TYW1: variants seen among roughly 807,000 people sequenced by gnomAD.
TYW1 encodes tRNA-yW synthesizing protein 1 homolog.
Under a neutral mutation model 96.2 loss-of-function variants are expected in TYW1, and 46 were observed. The ratio of observed to expected loss-of-function variants is 0.48; its 90% CI spans 0.38 to 0.61. The LOEUF (loss-of-function observed/expected upper bound fraction) is 0.61. Among genes scored for constraint, TYW1 ranks in the 20% least tolerant of loss-of-function variants. TYW1 has a pLI of 0.00. For missense variants in TYW1, 684 were observed against 909.6 expected (o/e 0.75, Z 3.19); for synonymous variants, 274 against 323.0 (o/e 0.85, Z 1.63).
At chr7:67,138,633 C>T (rs1016611023) in intron 13 of TYW1, among the ~76,000 whole-genome samples, 18 of 152,054 alleles carry the variant, frequency 1.2e-4, no homozygotes, top group Admixed American at 9.8e-4. Context: ...CCCCCACTAC[C>T]CTTCCCAGCC....
intron 13 of TYW1, among the ~76,000 whole-genome samples, chr7:67,132,553 T>A (rs1336544556): frequency 6.6e-6 from 1 of 152,196 alleles, no homozygotes; most frequent in African/African-American, 2.4e-5. Context: ...ACCATTTTTT[T>A]AAAATAAAAA....
intron 9 of TYW1, among the ~76,000 whole-genome samples, chr7:67,066,824 A>C (rs1462880014): frequency 6.6e-6 from 1 of 152,204 alleles, no homozygotes; most frequent in East Asian, 1.9e-4. Flanking sequence ...CTCCAGCCTA[A>C]GGAACAGAGC....
At chr7:67,161,134 G>A (rs538173691) in intron 13 of TYW1, among the ~76,000 whole-genome samples, 1 of 152,246 alleles carries the variant, frequency 6.6e-6, no homozygotes, top group South Asian at 2.1e-4. Context: ...TAGCTTTATA[G>A]TAAGCCTTGT....
At chr7:67,016,877 G>A (rs929718981) in intron 5 of TYW1, among the ~76,000 whole-genome samples, 14 of 151,986 alleles carry the variant, frequency 9.2e-5, no homozygotes, top group African/African-American at 3.4e-4. Context: ...TTCTCACCCC[G>A]GTCTCCCAAG....
At position 67,185,783 on chromosome 7, in the gene TYW1, T is replaced by G. The variant is rs2844123; in HGVS notation, c.1809+2547T>G. Among the ~76,000 whole-genome samples, 15 of 152,336 alleles carry G rather than the reference T, an allele frequency of 9.8e-5. No homozygotes were observed. In the South Asian group the frequency reaches 1.9e-3, roughly 19 times the overall value. ...AGTAATGGCTTTTTTAGGCAACTAA[T>G]TGTCCACAAGACAAGAGAAGTGATG... On this transcript the variant is annotated intron_variant, in intron 14 of 15. Transcript: ENST00000359626.
At chr7:67,080,370 T>G (rs2115752503) in intron 10 of TYW1, among the ~76,000 whole-genome samples, 1 of 152,216 alleles carries the variant, frequency 6.6e-6, no homozygotes, top group South Asian at 2.1e-4. Context: ...AAAGTCTATT[T>G]TATCTTATAC....
chr7:67,014,918 C>T (rs182187525), intron 5 of TYW1, among the ~76,000 whole-genome samples: 62 of 151,212 alleles, frequency 4.1e-4, no homozygotes, highest in Middle Eastern at 3.4e-3. Context: ...TTACTAGAGA[C>T]GGGGTTTCAC....
chr7:67,095,913 A>G (rs1210990109), intron 11 of TYW1, among the ~76,000 whole-genome samples: 2 of 152,204 alleles, frequency 1.3e-5, no homozygotes, highest in African/African-American at 4.8e-5. Flanking sequence ...TGTTAAGGTG[A>G]CAGTGACTGG....
intron 15 of TYW1, among the ~76,000 whole-genome samples, chr7:67,214,167 A>G (rs1801133237): frequency 6.6e-6 from 1 of 152,214 alleles, no homozygotes; most frequent in African/African-American, 2.4e-5. Context: ...TTACTGAAAT[A>G]TGCCTGATTT....
At chr7:67,018,342 C>T (rs1213728995) in intron 6 of TYW1, among the ~76,000 whole-genome samples, 199 bp downstream of exon 6, 2 of 151,950 alleles carry the variant, frequency 1.3e-5, no homozygotes, top group Non-Finnish European at 2.9e-5. Flanking sequence ...AGTTCAAGAC[C>T]AGCCTGGGCA....
intron 12 of TYW1, among the ~76,000 whole-genome samples, chr7:67,112,183 T>C (rs115037613): frequency 1.2e-3 from 179 of 152,004 alleles, no homozygotes; most frequent in Middle Eastern, 6.8e-3. Flanking sequence ...TCACAATCTT[T>C]TACCCCTTGT....
At chr7:67,075,532 A>G (rs796911954) in intron 10 of TYW1, among the ~76,000 whole-genome samples, 4 of 152,350 alleles carry the variant, frequency 2.6e-5, no homozygotes, top group African/African-American at 7.2e-5. Context: ...AAGGAATGTC[A>G]TCTGTCAATA....
intron 12 of TYW1, among the ~76,000 whole-genome samples, chr7:67,111,486 C>G (rs1323406062): frequency 6.6e-6 from 1 of 152,120 alleles, no homozygotes; most frequent in East Asian, 1.9e-4. Context: ...CAGGCGTGAG[C>G]CAACACACCT....
chr7:67,179,881 G>A lies in TYW1; in HGVS notation c.1699-3245G>A, dbSNP rs1290422521. On this transcript the variant is annotated intron_variant, in intron 13 of 15. Coordinates refer to ENST00000359626, the MANE Select transcript of TYW1 (RefSeq NM_018264.4). ...TATATATATATTTTTTTTTTTTGGC[G>A]GGGGACAGGGTCTTGCTGTGTCACC... 3.8e-5 allele frequency among the ~76,000 whole-genome samples: 3 copies of A among 79,856 alleles called. 1 individual carries two copies. The highest frequency in any genetic ancestry group is 1.2e-4 in the Admixed American group (1 of 8,418). 52.4% of individuals were successfully genotyped at this position (79,856 alleles called of 152,430 possible). A position where few individuals can be genotyped will look rare whatever the true frequency, so the allele number is the denominator to read the frequency against.
At chr7:67,179,866 T>TA (rs1271589667) in intron 13 of TYW1, among the ~76,000 whole-genome samples, 8,931 of 61,130 alleles carry the variant, frequency 0.15, 1,246 homozygotes, top group Non-Finnish European at 0.21. Context: ...TATATATATA[T>TA]TTTTTTTTTT....
intron 14 of TYW1, among the ~76,000 whole-genome samples, chr7:67,193,899 G>T (rs1409610878): frequency 6.6e-5 from 10 of 151,950 alleles, no homozygotes; most frequent in African/African-American, 2.2e-4. Context: ...GGGTGCACAT[G>T]CCTTTCTCCC....
intron 3 of TYW1, among the ~76,000 whole-genome samples, chr7:66,999,354 A>G (rs1251315183): frequency 6.6e-6 from 1 of 151,974 alleles, no homozygotes; most frequent in African/African-American, 2.4e-5. Flanking sequence ...ATCTATGTTT[A>G]TTTTTTATTT....
At position 67,184,862 on chromosome 7, in the gene TYW1, C is replaced by T. The variant is rs371561955; in HGVS notation, c.1809+1626C>T. Among the ~76,000 whole-genome samples, 590 of 151,614 alleles carry T rather than the reference C, an allele frequency of 3.9e-3. 1 individual carries two copies. Among genetic ancestry groups the T allele is most frequent in the Admixed American group, 7.3e-3 (110 of 15,160 alleles). On this transcript the variant is annotated intron_variant, in intron 14 of 15. Transcript: ENST00000359626. The stretch of plus-strand genomic sequence containing the variant: ...AGCTGGTGCTACAGCTGCCCACTAC[C>T]GCACCTGGCTAATTTTTCTGTTTTT...
At chr7:67,101,860 A>G (rs1367295646) in intron 12 of TYW1, among the ~76,000 whole-genome samples, 1 of 152,274 alleles carries the variant, frequency 6.6e-6, no homozygotes, top group Admixed American at 6.5e-5. Flanking sequence ...AGGCAATAAT[A>G]TGAAAATCAG....
Sources: gnomAD v4.1 joint callset for allele counts (sites outside exome capture counted in the v4.1 genomes callset) on GRCh38, gnomAD v4.1.1 for gene constraint, MANE v1.5 for transcripts, NCBI Gene and HGNC (gene_info 2026-07-23, HGNC 2026-07-21) for gene names.